AFAP1L2: variants seen among roughly 807,000 people sequenced by gnomAD.
AFAP1L2 encodes actin filament-associated protein 1-like 2.
Under a neutral mutation model 99.3 loss-of-function variants are expected in AFAP1L2, and 46 were observed. The observed-to-expected ratio is 0.46, with a 90% CI of 0.37 to 0.59. AFAP1L2 has a LOEUF of 0.59. AFAP1L2 is among the 20% of genes least tolerant of loss of function. The probability of loss-of-function intolerance (pLI) is 0.00; values close to 1 mark genes in which losing one functional copy is unlikely to be tolerated. For synonymous variants in AFAP1L2, 397 were observed against 419.1 expected (o/e 0.95, Z 0.64); for missense variants, 959 against 1,034.9 (o/e 0.93, Z 1.01).
In AFAP1L2 at chr10:114,310,437, G is replaced by T; in HGVS notation, c.799C>A (p.Gln267Lys). 3 of 1,613,720 alleles carry T rather than the reference G, an allele frequency of 1.9e-6. No individual in the cohort carries two copies. The highest frequency in any genetic ancestry group is 2.5e-6 in the Non-Finnish European group (3 of 1,179,842). ...TCGGAAGGCAGGCCGCTCACTTCCT[G>T]GATGACCTGAGGCAAGAGGGAAGCC... Reference protein sequence around the residue: ...DQAEQWLRVIQEVSGLPSEGA... With the variant: ...DQAEQWLRVIKEVSGLPSEGA... The change falls in exon 8 of 19, where the codon CAG becomes AAG. Residue 267 changes from glutamine (Q) to lysine (K), a missense_variant. By Grantham distance (53) the Gln-to-Lys change is moderately conservative. Transcript: ENST00000304129.
At chr10:114,282,152 T>C in the AFAP1L2 span, among the ~76,000 whole-genome samples, 7 of 152,174 alleles carry the variant, frequency 4.6e-5, no homozygotes, top group African/African-American at 1.7e-4. Context: ...TACAGGCACA[T>C]GCCACCACGC....
At chr10:114,340,885 G>T in intron 1 of AFAP1L2, 154 bp from the exon 2 acceptor site, 1 of 1,015,870 alleles carries the variant, frequency 9.8e-7, no homozygotes, top group Non-Finnish European at 1.5e-6. Context: ...GGGGGGACTG[G>T]GCAGAAGATG....
chr10:114,332,934 G>A (rs1037500705), intron 3 of AFAP1L2, among the ~76,000 whole-genome samples: 4 of 152,162 alleles, frequency 2.6e-5, no homozygotes, highest in African/African-American at 9.7e-5. Flanking sequence ...TGCTTTCTTC[G>A]AACATCTGAA....
intron 2 of AFAP1L2, among the ~76,000 whole-genome samples, chr10:114,334,352 A>C (rs1365992537): frequency 6.6e-6 from 1 of 152,186 alleles, no homozygotes; most frequent in Non-Finnish European, 1.5e-5. Context: ...AATCCTCTTG[A>C]ATTTCTTCTG....
intron 1 of AFAP1L2, among the ~76,000 whole-genome samples, chr10:114,372,577 G>T (rs566711572): frequency 6.6e-6 from 1 of 151,724 alleles, no homozygotes; most frequent in East Asian, 1.9e-4. Flanking sequence ...TTTTTATTAA[G>T]CTTTTATTGG....
downstream of AFAP1L2, among the ~76,000 whole-genome samples, chr10:114,291,940 C>T (rs748771385): frequency 1.2e-4 from 19 of 152,230 alleles, no homozygotes; most frequent in South Asian, 1.2e-3. Context: ...CACGTAAAAT[C>T]GTTCTGAGTC....
intron 1 of AFAP1L2, among the ~76,000 whole-genome samples, chr10:114,361,929 T>C (rs1461724772): frequency 1.3e-5 from 2 of 152,170 alleles, no homozygotes; most frequent in Admixed American, 6.5e-5. Context: ...TCTTCTGCGA[T>C]TCTCTATGCA....
intron 15 of AFAP1L2, 112 bp downstream of exon 15, chr10:114,300,082 T>C (rs1018833360): frequency 9.0e-6 from 13 of 1,438,822 alleles, no homozygotes; most frequent in Middle Eastern, 2.4e-4. Flanking sequence ...TGTGAGTCAA[T>C]TCTCCTTAAT....
chr10:114,355,488 A>T (rs945810843), intron 1 of AFAP1L2, among the ~76,000 whole-genome samples: 2 of 151,782 alleles, frequency 1.3e-5, no homozygotes, highest in African/African-American at 4.8e-5. Flanking sequence ...TTTGGAAACT[A>T]TGGGCATAGT....
chr10:114,355,733 G>C (rs957546990), intron 1 of AFAP1L2, among the ~76,000 whole-genome samples: 1 of 152,044 alleles, frequency 6.6e-6, no homozygotes, highest in Admixed American at 6.6e-5. Context: ...GCACTTTGGG[G>C]GACCAAGGTG....
chr10:114,307,786 A>T lies in AFAP1L2; in HGVS notation c.1072+19T>A, dbSNP rs1333332426. 1.3e-6 allele frequency: 2 copies of T among 1,598,654 alleles called. No individual in the cohort carries two copies. Among genetic ancestry groups the T allele is most frequent in the African/African-American group, 2.7e-5 (2 of 74,486 alleles). On this transcript the variant is annotated intron_variant, in intron 10 of 18. Coordinates refer to ENST00000304129, the MANE Select transcript of AFAP1L2 (RefSeq NM_001001936.3). ...CCAGGAAATGAGCCTGTGGTCCCGG[A>T]GGTAGCTACAATTCTTACTGGATGT...
At chr10:114,347,265 C>G (rs1189086793) in intron 1 of AFAP1L2, among the ~76,000 whole-genome samples, 1 of 152,062 alleles carries the variant, frequency 6.6e-6, no homozygotes, top group South Asian at 2.1e-4. Flanking sequence ...TGGAAAATGT[C>G]GAAGATCTTC....
chr10:114,284,991 C>G, the AFAP1L2 span: 447 of 1,542,116 alleles, frequency 2.9e-4, no homozygotes, highest in Non-Finnish European at 3.8e-4. Flanking sequence ...ACCGGCCCTG[C>G]AAGACTGACC....
intron 11 of AFAP1L2, among the ~76,000 whole-genome samples, chr10:114,304,387 C>T (rs2041770347): frequency 6.6e-6 from 1 of 152,152 alleles, no homozygotes; most frequent in African/African-American, 2.4e-5. Flanking sequence ...CGTACTGGGC[C>T]TAGAGGCTCT....
At chr10:114,404,593 C>A, upstream of AFAP1L2, 1 of 1,281,666 alleles carries the variant, frequency 7.8e-7, no homozygotes, top group Non-Finnish European at 1.0e-6. Flanking sequence ...GGCCGCCGCG[C>A]CCAGGGTCCT....
intron 1 of AFAP1L2, among the ~76,000 whole-genome samples, chr10:114,369,960 AAG>A (rs752390800): frequency 1.4e-4 from 22 of 152,202 alleles, no homozygotes; most frequent in Non-Finnish European, 2.5e-4. Context: ...TAGTAACGGG[AAG>A]AGAGTCTTTC....
At chr10:114,352,689 G>A (rs1273117775) in intron 1 of AFAP1L2, among the ~76,000 whole-genome samples, 1 of 152,190 alleles carries the variant, frequency 6.6e-6, no homozygotes, top group Non-Finnish European at 1.5e-5. Context: ...GGTGTCAACA[G>A]GTTAAAGCCA....
chr10:114,282,017 C>CTTTTTTT, the AFAP1L2 span, among the ~76,000 whole-genome samples: 1 of 119,662 alleles, frequency 8.4e-6, no homozygotes, highest in Non-Finnish European at 1.7e-5. Flanking sequence ...CTTATGTTAC[C>CTTTTTTT]TTTTTTTTTT....
intron 13 of AFAP1L2, 102 bp downstream of exon 13, chr10:114,301,247 ACTCAT>A: frequency 1.8e-5 from 16 of 901,494 alleles, no homozygotes; most frequent in Middle Eastern, 2.5e-4. Context: ...CTCAGAACCC[ACTCAT>A]CTCATCTCAG....
Sources: gnomAD v4.1 joint callset for allele counts (sites outside exome capture counted in the v4.1 genomes callset) on GRCh38, gnomAD v4.1.1 for gene constraint, MANE v1.5 for transcripts, NCBI Gene and HGNC (gene_info 2026-07-23, HGNC 2026-07-21) for gene names.